The following SMARCB1 variants were observed in gnomAD, a reference collection of about 807,000 sequenced individuals.
The protein encoded by SMARCB1 is SWI/SNF-related matrix-associated actin-dependent regulator of chromatin subfamily B member 1.
In SMARCB1, 5 loss-of-function variants were observed where a neutral mutation model predicts 49.0. The observed-to-expected ratio is 0.10, with a 90% confidence interval of 0.05 to 0.21. SMARCB1 has a LOEUF of 0.21. Ranked by LOEUF, SMARCB1 falls within the 10% of genes least tolerant of loss-of-function variation. The pLI is 1.00. For synonymous variants in SMARCB1, 201 were observed against 200.1 expected, an observed-to-expected ratio of 1.00 and a Z score of -0.04; for missense variants, 226 against 509.2, an observed-to-expected ratio of 0.44 and a Z score of 5.35.
intron 3 of SMARCB1, among the ~76,000 whole-genome samples, chr22:23,799,215 C>T (rs528486640): frequency 7.2e-5 from 11 of 152,088 alleles, no homozygotes; most frequent in African/African-American, 1.4e-4. Flanking sequence ...CAGAGCACAA[C>T]GGGCACCCAA....
Position 23,835,748 on chromosome 22 carries a change from A to C in SMARCB1, c.*1568A>C, listed in dbSNP as rs2030994364. 1 of 985,372 alleles carries C rather than the reference A, an allele frequency of 1.0e-6. No homozygotes were observed. Among genetic ancestry groups the C allele is most frequent in the Admixed American group, 6.1e-5 (1 of 16,276 alleles). The allele number at this position is 985,372 out of a possible 1,614,324, so 61.0% of individuals were successfully genotyped here. Reference sequence around the variant, plus strand: ...CCATGAGGTAGGAACCTCGGCAATGAAAGGGTGAGGCAGCCCTGTGTCTCC... The same window carrying C: ...CCATGAGGTAGGAACCTCGGCAATGCAAGGGTGAGGCAGCCCTGTGTCTCC... On this transcript the variant is annotated 3_prime_UTR_variant, in exon 9 of 9. Coordinates refer to ENST00000644036, the MANE Select transcript of SMARCB1 (RefSeq NM_003073.5).
At chr22:23,807,499 C>T (rs8137539) in intron 5 of SMARCB1, among the ~76,000 whole-genome samples, 14,695 of 151,708 alleles carry the variant, frequency 0.097, 2,137 homozygotes, top group African/African-American at 0.32. Context: ...AGCTTGAGCC[C>T]GGGAGGTTGA....
At chr22:23,827,837 C>G (rs1245703207) in intron 7 of SMARCB1, among the ~76,000 whole-genome samples, 3 of 152,244 alleles carry the variant, frequency 2.0e-5, no homozygotes, top group South Asian at 4.1e-4. Context: ...CGCGTTCCCC[C>G]CACTGTACCA....
chr22:23,818,196 C>T (rs1000407943), intron 6 of SMARCB1: 4 of 150,874 alleles, frequency 2.7e-5, no homozygotes, highest in African/African-American at 9.8e-5. Flanking sequence ...CTCTGTCGCC[C>T]AGGCTGGCTT....
chr22:23,833,203 C>T (rs931295418), intron 7 of SMARCB1, among the ~76,000 whole-genome samples: 1 of 152,158 alleles, frequency 6.6e-6, no homozygotes, highest in South Asian at 2.1e-4. Flanking sequence ...AGTCCTCCTG[C>T]CCCTATAGGT....
At chr22:23,801,382 G>C (rs769186106) in intron 4 of SMARCB1, 3 of 670,554 alleles carry the variant, frequency 4.5e-6, no homozygotes, top group South Asian at 3.0e-5. Context: ...ACATGAGTGG[G>C]CCACAGCCAG....
At chr22:23,811,479 G>T (rs560105901) in intron 5 of SMARCB1, among the ~76,000 whole-genome samples, 2 of 152,180 alleles carry the variant, frequency 1.3e-5, no homozygotes, top group Non-Finnish European at 2.9e-5. Context: ...CATATAATCC[G>T]TATAATGGAT....
chr22:23,832,220 C>G (rs1323058414), intron 7 of SMARCB1, among the ~76,000 whole-genome samples: 1 of 145,322 alleles, frequency 6.9e-6, no homozygotes, highest in Non-Finnish European at 1.5e-5. Context: ...TTGAGCCACC[C>G]ACTACAGGGA....
intron 6 of SMARCB1, chr22:23,818,216 G>T (rs549855302): frequency 6.6e-6 from 1 of 150,562 alleles, no homozygotes; most frequent in African/African-American, 2.5e-5. Flanking sequence ...TGCAGTGTGC[G>T]ATCTCAGCTC....
In SMARCB1 at chr22:23,836,708, G is replaced by A. The variant is rs1344881264; in HGVS notation, c.*2528G>A. On this transcript the variant is annotated 3_prime_UTR_variant, in exon 9 of 9. Transcript: ENST00000644036. ...GAAGGATGTGGCCAGGTGAGATGGG[G>A]AAGCCAGTGCTGTGGGCCAAGAGAC... 52 of 1,330,938 alleles carry A rather than the reference G, an allele frequency of 3.9e-5. No homozygotes were observed. The highest frequency in any genetic ancestry group is 5.0e-5 in the Non-Finnish European group (52 of 1,047,526). 82.4% of individuals were successfully genotyped at this position (1,330,938 alleles called of 1,614,324 possible). A position where few individuals can be genotyped will look rare whatever the true frequency, so the allele number is the denominator to read the frequency against.
At chr22:23,823,489 GC>G (rs1601431224) in intron 6 of SMARCB1, 1 of 152,294 alleles carries the variant, frequency 6.6e-6, no homozygotes, top group Non-Finnish European at 1.5e-5. Context: ...CTGGCTGCAT[GC>G]CGTGTACAGG....
Position 23,837,604 on chromosome 22 carries a change from G to C in SMARCB1, c.*3424G>C, listed in dbSNP as rs905816998. ...AGAGGGGCCCCAGGGCATAAGCAGC[G>C]TGTCCTGAGGGGAGTGGCCAGCCTG... On this transcript the variant is annotated 3_prime_UTR_variant, in exon 9 of 9. Transcript: ENST00000644036. The C allele has an allele frequency of 1.3e-6, 2 of 1,558,302 alleles. No individual in the cohort carries two copies. The highest frequency in any genetic ancestry group is 1.4e-5 in the African/African-American group (1 of 73,596).
chr22:23,807,212 A>G (rs1456140268), intron 5 of SMARCB1, among the ~76,000 whole-genome samples: 1 of 152,218 alleles, frequency 6.6e-6, no homozygotes, highest in African/African-American at 2.4e-5. Context: ...CTTGGCACAC[A>G]GGCAAAGGAG....
chr22:23,837,334 C>A lies in SMARCB1; in HGVS notation c.*3154C>A. The A allele has an allele frequency of 1.2e-6, 1 of 813,904 alleles. No individual in the cohort carries two copies. 50.4% of individuals were successfully genotyped at this position (813,904 alleles called of 1,614,324 possible). On this transcript the variant is annotated 3_prime_UTR_variant, in exon 9 of 9. Transcript: ENST00000644036. ...GGCCGTGAAGGACAAGCTTAAAAGG[C>A]CCAGAAGCAGGCAGGACCCAGGGAG... is the stretch of plus-strand genomic sequence containing the variant.
intron 5 of SMARCB1, among the ~76,000 whole-genome samples, chr22:23,805,869 A>G (rs937084277): frequency 2.0e-5 from 3 of 152,210 alleles, no homozygotes; most frequent in Admixed American, 1.3e-4. Flanking sequence ...GGATCAGTCC[A>G]TGCTCTGTCT....
At chr22:23,799,227 T>C (rs1928975044) in intron 3 of SMARCB1, among the ~76,000 whole-genome samples, 1 of 151,544 alleles carries the variant, frequency 6.6e-6, no homozygotes, top group Admixed American at 6.6e-5. Context: ...GGCACCCAAA[T>C]GCTCTCATCT....
chr22:23,796,407 G>A (rs186520879), intron 3 of SMARCB1, among the ~76,000 whole-genome samples: 10 of 152,260 alleles, frequency 6.6e-5, no homozygotes, highest in African/African-American at 2.2e-4. Context: ...TGGGTGAGAC[G>A]TGCAGAATAC....
chr22:23,837,726 C>G lies in SMARCB1; in HGVS notation c.*3546C>G. 1 of 1,614,012 alleles carries G rather than the reference C, an allele frequency of 6.2e-7. No homozygotes were observed. The highest frequency in any genetic ancestry group is 8.5e-7 in the Non-Finnish European group (1 of 1,180,014). ...AGCCCATGAGCGCCCAAGGCAGGAA[C>G]GGTGCCTGGAAAGTGAGCAGGCCGA... is the stretch of plus-strand genomic sequence containing the variant. On this transcript the variant is annotated 3_prime_UTR_variant, in exon 9 of 9. Coordinates refer to ENST00000644036, the MANE Select transcript of SMARCB1 (RefSeq NM_003073.5).
intron 6 of SMARCB1, among the ~76,000 whole-genome samples, chr22:23,822,403 C>T (rs1259293788): frequency 6.6e-6 from 1 of 152,208 alleles, no homozygotes; most frequent in East Asian, 1.9e-4. Context: ...GCTTGGGAGT[C>T]CTGGCCCCGT....
Sources: allele counts gnomAD v4.1 joint callset (sites outside exome capture counted in the v4.1 genomes callset), GRCh38; gene constraint gnomAD v4.1.1; transcripts MANE v1.5; gene names NCBI Gene and HGNC (gene_info 2026-07-23, HGNC 2026-07-21).